Variants in DHRSX observed in about 807,000 individuals in gnomAD.
DHRSX encodes polyprenol dehydrogenase.
DHRSX carries 31 observed loss-of-function variants against 34.0 expected under a neutral mutation model. The ratio of observed to expected loss-of-function variants is 0.91; its 90% CI spans 0.69 to 1.23. The LOEUF (loss-of-function observed/expected upper bound fraction) is 1.23. DHRSX is among the 50% of genes most tolerant of loss of function. The probability of loss-of-function intolerance (pLI) is 0.00; values close to 1 mark genes in which losing one functional copy is unlikely to be tolerated. For missense variants in DHRSX, 414 were observed against 428.1 expected (o/e 0.97, Z 0.29); for synonymous variants, 201 against 183.8 (o/e 1.09, Z -0.76).
intron 1 of DHRSX, among the ~76,000 whole-genome samples, chrX:2,467,867 A>C (rs2044520490): frequency 6.6e-6 from 1 of 151,622 alleles, no homozygotes; most frequent in Non-Finnish European, 1.5e-5. Flanking sequence ...CCAGCCACTC[A>C]GGAGAATCGC....
chrX:2,449,095 A>G (rs2044180861), intron 1 of DHRSX, among the ~76,000 whole-genome samples: 1 of 152,082 alleles, frequency 6.6e-6, no homozygotes, highest in Admixed American at 6.6e-5. Flanking sequence ...AGGCTGAGAC[A>G]GGAGAATGGC....
At chrX:2,268,504 G>A (rs2041504970) in intron 4 of DHRSX, among the ~76,000 whole-genome samples, 1 of 152,196 alleles carries the variant, frequency 6.6e-6, no homozygotes, top group Admixed American at 6.5e-5. Context: ...ATAACTGCAT[G>A]TATGCATAAT....
chrX:2,324,289 TGAA>T (rs754558619), intron 3 of DHRSX, among the ~76,000 whole-genome samples: 1 of 152,266 alleles, frequency 6.6e-6, no homozygotes, highest in Admixed American at 6.5e-5. Flanking sequence ...CGGCGCTGCA[TGAA>T]GCCTGTCTGT....
chrX:2,371,270 T>TCC (rs1469092608), intron 3 of DHRSX, among the ~76,000 whole-genome samples: 1,680 of 147,378 alleles, frequency 0.011, 47 homozygotes, highest in Non-Finnish European at 0.016. Flanking sequence ...CCATAGACCC[T>TCC]TCTACTTCTG....
At chrX:2,346,532 C>G (rs2042714368) in intron 3 of DHRSX, among the ~76,000 whole-genome samples, 1 of 152,028 alleles carries the variant, frequency 6.6e-6, no homozygotes, top group South Asian at 2.1e-4. Context: ...CTTCCCGCAG[C>G]CTTTGGAAAG....
chrX:2,383,660 TCCATGGA>T (rs1337642745), intron 3 of DHRSX, among the ~76,000 whole-genome samples: 3 of 152,214 alleles, frequency 2.0e-5, no homozygotes, highest in Non-Finnish European at 4.4e-5. Context: ...CCAGTGATGT[TCCATGGA>T]CCATCATGGG....
intron 5 of DHRSX, among the ~76,000 whole-genome samples, chrX:2,257,717 C>A (rs2041298369): frequency 6.6e-6 from 1 of 152,110 alleles, no homozygotes; most frequent in South Asian, 2.1e-4. Flanking sequence ...CCTCCGCCTC[C>A]CGGGTTCAAG....
rs371981779 is a variant in DHRSX, at chrX:2,460,203, C to T, written c.110-34899G>A. Among the ~76,000 whole-genome samples the T allele has an allele frequency of 3.9e-4, 59 of 152,178 alleles. 1 individual carries two copies. The highest frequency in any genetic ancestry group is 3.5e-3 in the East Asian group (18 of 5,166). On this transcript the variant is annotated intron_variant, in intron 1 of 6. Coordinates refer to ENST00000334651, the MANE Select transcript of DHRSX (RefSeq NM_145177.3). Reference sequence around the variant, plus strand: ...CACACGAGGTCCTCTCACAAAGCGGCGAGTGTTCCCAGTTATTACTCGGAG... The same window carrying T: ...CACACGAGGTCCTCTCACAAAGCGGTGAGTGTTCCCAGTTATTACTCGGAG...
chrX:2,333,853 T>G (rs1490929125), intron 3 of DHRSX, among the ~76,000 whole-genome samples: 1 of 152,160 alleles, frequency 6.6e-6, no homozygotes, highest in Non-Finnish European at 1.5e-5. Flanking sequence ...ATATTTGCTT[T>G]TATGTTCTTG....
chrX:2,498,745 C>G (rs1402811654), intron 1 of DHRSX, among the ~76,000 whole-genome samples: 1 of 152,094 alleles, frequency 6.6e-6, no homozygotes, highest in African/African-American at 2.4e-5. Context: ...AGGGCCCACA[C>G]AGGCCCTTAA....
chrX:2,259,746 C>A (rs2041337678), intron 5 of DHRSX, among the ~76,000 whole-genome samples: 1 of 151,998 alleles, frequency 6.6e-6, no homozygotes, highest in African/African-American at 2.4e-5. Flanking sequence ...CGGGGAGTCC[C>A]TGACCCCGTG....
rs190334973 is a variant in DHRSX at position 2,474,855 on chromosome X, C to A, written c.109+25962G>T. ...TAAGCTTGTGGCTAAGGGACCGCCG[C>A]CATGTACACACTTAAGACGTTCCCT... On this transcript the variant is annotated intron_variant, in intron 1 of 6. Coordinates refer to ENST00000334651, the MANE Select transcript of DHRSX (RefSeq NM_145177.3). 8.4e-4 allele frequency among the ~76,000 whole-genome samples: 128 copies of A among 151,676 alleles called. 1 individual carries two copies. The highest frequency in any genetic ancestry group is 2.9e-3 in the African/African-American group (119 of 41,352).
chrX:2,276,733 C>CAGAGAG (rs113463536), intron 4 of DHRSX, among the ~76,000 whole-genome samples: 1 of 146,374 alleles, frequency 6.8e-6, no homozygotes, highest in Non-Finnish European at 1.5e-5. Flanking sequence ...AAAGGGCAAT[C>CAGAGAG]AGAGAGAGAG....
rs1367191964 is a variant in DHRSX, at chrX:2,247,779, TGAAGACCTCA to T, written c.597-4559_597-4550del. 3.3e-5 allele frequency among the ~76,000 whole-genome samples: 5 copies of T among 151,602 alleles called. No individual in the cohort carries two copies. In the East Asian group the frequency reaches 9.7e-4, roughly 30 times the overall value. On this transcript the variant is annotated intron_variant, in intron 5 of 6. Coordinates refer to ENST00000334651, the MANE Select transcript of DHRSX (RefSeq NM_145177.3). Reference sequence around the variant, plus strand: ...GGGCTCAGAGAACAGTAACCTAAAATGAAGACCTCAGAAGCAGCATCAGAAGCAAACCTTT... The same window carrying T: ...GGGCTCAGAGAACAGTAACCTAAAATGAAGCAGCATCAGAAGCAAACCTTT...
chrX:2,275,760 G>A (rs762552605), intron 4 of DHRSX, among the ~76,000 whole-genome samples: 2 of 150,032 alleles, frequency 1.3e-5, no homozygotes, highest in African/African-American at 4.9e-5. Flanking sequence ...CTGCACTCCA[G>A]CCTGGGCGAC....
At chrX:2,482,728 AC>A (rs1262269327) in intron 1 of DHRSX, among the ~76,000 whole-genome samples, 1 of 152,242 alleles carries the variant, frequency 6.6e-6, no homozygotes, top group African/African-American at 2.4e-5. Context: ...TCCTGCAGTA[AC>A]TGCCTATTTG....
intron 6 of DHRSX, among the ~76,000 whole-genome samples, chrX:2,237,594 C>A (rs892992280): frequency 2.6e-5 from 4 of 151,798 alleles, no homozygotes; most frequent in Non-Finnish European, 5.9e-5. Context: ...CAATTTCCGC[C>A]CCCGGGTTCA....
At chrX:2,314,891 C>T (rs1451183158) in intron 3 of DHRSX, among the ~76,000 whole-genome samples, 1 of 152,144 alleles carries the variant, frequency 6.6e-6, no homozygotes, top group Non-Finnish European at 1.5e-5. Context: ...GGTGCGGTGG[C>T]TCACGCCTGC....
At chrX:2,247,611 G>A (rs964149251) in intron 5 of DHRSX, among the ~76,000 whole-genome samples, 3 of 141,502 alleles carry the variant, frequency 2.1e-5, no homozygotes, top group African/African-American at 8.2e-5. Flanking sequence ...CCGAGATTGC[G>A]CCACTGCACT....
Sources: allele counts gnomAD v4.1 joint callset (sites outside exome capture counted in the v4.1 genomes callset), GRCh38; gene constraint gnomAD v4.1.1; transcripts MANE v1.5; gene names NCBI Gene and HGNC (gene_info 2026-07-23, HGNC 2026-07-21).